Variants in MED23 observed in about 807,000 individuals in gnomAD.
MED23 encodes mediator of RNA polymerase II transcription subunit 23.
In MED23, 105 loss-of-function variants were observed where a neutral mutation model predicts 163.9. The ratio of observed to expected loss-of-function variants is 0.64; its 90% CI spans 0.55 to 0.75. The LOEUF (loss-of-function observed/expected upper bound fraction) is 0.75, where lower values mean the gene tolerates loss of function less well. Ranked by LOEUF, MED23 falls within the 30% of genes least tolerant of loss-of-function variation. The pLI is 0.00. For synonymous variants in MED23, 561 were observed against 565.6 expected (o/e 0.99, Z 0.12); for missense variants, 1,054 against 1,649.0 (o/e 0.64, Z 6.25).
At position 131,598,159 on chromosome 6, in the gene MED23, G is replaced by T. The variant is rs1303630563; in HGVS notation, c.2607+128C>A. On this transcript the variant is annotated intron_variant, in intron 20 of 28. Coordinates refer to ENST00000368068, the MANE Select transcript of MED23 (RefSeq NM_004830.4). The surrounding 1 kb of genome is among the most constrained non-coding windows in gnomAD (Gnocchi z 4.7). ...AAAATTTCCGGCTCTTTAGGGAAGTGACAGCAATGCTTGATATAGTATAAA... is the reference window on the plus strand; with the variant it reads ...AAAATTTCCGGCTCTTTAGGGAAGTTACAGCAATGCTTGATATAGTATAAA... The T allele has an allele frequency of 1.0e-6, 1 of 955,222 alleles. No individual in the cohort carries two copies. The highest frequency in any genetic ancestry group is 1.5e-5 in the South Asian group (1 of 64,774). 59.2% of individuals were successfully genotyped at this position (955,222 alleles called of 1,614,324 possible).
intron 22 of MED23, among the ~76,000 whole-genome samples, chr6:131,595,124 T>C (rs990663843): frequency 6.6e-6 from 1 of 152,208 alleles, no homozygotes; most frequent in African/African-American, 2.4e-5. Context: ...AACACTTTGT[T>C]CCCAGAGTGG....
At chr6:131,582,917 A>G (rs1172363906), downstream of MED23, 2 of 770,358 alleles carry the variant, frequency 2.6e-6, no homozygotes, top group Non-Finnish European at 4.3e-6. Context: ...TGTTAAAAAT[A>G]AATACAAATA....
chr6:131,614,370 C>T (rs1337279061), intron 10 of MED23, among the ~76,000 whole-genome samples: 1 of 152,188 alleles, frequency 6.6e-6, no homozygotes, highest in African/African-American at 2.4e-5. Flanking sequence ...CTGGCACAAC[C>T]TTCACTATAG....
At chr6:131,595,617 C>A (rs923669893) in intron 22 of MED23, among the ~76,000 whole-genome samples, 1 of 152,140 alleles carries the variant, frequency 6.6e-6, no homozygotes, top group African/African-American at 2.4e-5. Flanking sequence ...TGATTTCCCC[C>A]AAATGATCCC....
chr6:131,610,356 G>T, intron 10 of MED23, 110 bp from the exon 11 acceptor site: 1 of 1,054,796 alleles, frequency 9.5e-7, no homozygotes, highest in Non-Finnish European at 1.4e-6. Context: ...ACGGAATGAA[G>T]TTGAACTTAA....
rs759231398 is a variant in MED23 at position 131,587,702 on chromosome 6, C to T, written c.4084G>A (p.Val1362Met). Residue 1362 changes from valine (V) to methionine (M), a missense_variant, in exon 29 of 29, where the codon GTG becomes ATG. Physicochemically the swap from Val to Met is conservative, Grantham distance 21. Around this residue, in one of 11 missense-constraint regions of MED23, gnomAD observed 362 missense variants for 471.6 expected, o/e 0.77. Coordinates refer to ENST00000368068, the MANE Select transcript of MED23 (RefSeq NM_004830.4). ...CTTCACTGAGTTACTGGTAAAGACA[C>T]GGGCACCTGATTAGACTGAGGTGCT... is the stretch of plus-strand genomic sequence containing the variant. Reference protein sequence around the residue: ...SPAPQSNQVPVSLPVTQ With the variant: ...SPAPQSNQVPMSLPVTQ The T allele has an allele frequency of 2.5e-5, 40 of 1,614,000 alleles. No homozygotes were observed. In the Admixed American group the frequency reaches 2.7e-4, roughly 11 times the overall value.
At chr6:131,622,296 T>C (rs1435877238) in intron 5 of MED23, among the ~76,000 whole-genome samples, 1 of 152,224 alleles carries the variant, frequency 6.6e-6, no homozygotes, top group Non-Finnish European at 1.5e-5. Context: ...GACAGAAATA[T>C]ATTGTAACAA....
chr6:131,581,117 C>T, intron 30 of MED23: 2 of 1,157,768 alleles, frequency 1.7e-6, no homozygotes, highest in Admixed American at 1.8e-5. Context: ...ATATCAGACA[C>T]TGTGACTCAA....
chr6:131,594,145 A>G lies in MED23; in HGVS notation c.3186T>C (p.Val1062=), dbSNP rs1307101604. Residue 1062 remains valine, a synonymous_variant, in exon 23 of 29, where the codon GTT becomes GTC. Transcript: ENST00000368068. Reference sequence around the variant, plus strand: ...ATCTGCAATAGTAGGTGTCATCTGGAACCCAAGGATTTTCCTCTCGTGCAT... The same window carrying G: ...ATCTGCAATAGTAGGTGTCATCTGGGACCCAAGGATTTTCCTCTCGTGCAT... The part of the protein sequence containing the change: ...AMNAREENPW[V]PDDTYYCRLI... 6.2e-7 allele frequency: 1 copy of G among 1,614,178 alleles called. No homozygotes were observed. The highest frequency in any genetic ancestry group is 1.3e-5 in the African/African-American group (1 of 75,054).
chr6:131,624,543 T>C (rs142402333), intron 4 of MED23, among the ~76,000 whole-genome samples: 24 of 152,278 alleles, frequency 1.6e-4, no homozygotes, highest in African/African-American at 5.5e-4. Context: ...ACTAAAACCA[T>C]GAATAATTTT....
intron 7 of MED23, 74 bp from the exon 8 acceptor site, chr6:131,619,970 T>C: frequency 1.1e-6 from 1 of 885,368 alleles, no homozygotes; most frequent in South Asian, 1.3e-5. Context: ...CTGAAATATA[T>C]GAACATTTAT....
chr6:131,607,436 T>G (rs970088508), intron 12 of MED23, among the ~76,000 whole-genome samples: 1 of 151,966 alleles, frequency 6.6e-6, no homozygotes, highest in Non-Finnish European at 1.5e-5. Flanking sequence ...TCTCAGCTAC[T>G]CGGGAGGCTG....
chr6:131,609,545 C>T (rs1209057676), intron 11 of MED23, among the ~76,000 whole-genome samples: 9 of 132,262 alleles, frequency 6.8e-5, no homozygotes, highest in Non-Finnish European at 4.6e-5. Flanking sequence ...CAGAGTCTCG[C>T]TCTGTCGCCG....
chr6:131,622,087 A>G (rs1777152485), intron 5 of MED23, 108 bp from the exon 6 acceptor site: 3 of 722,756 alleles, frequency 4.2e-6, no homozygotes, highest in East Asian at 5.4e-5. Flanking sequence ...ACACCTTTAA[A>G]TTTTCTGAAT....
chr6:131,585,738 A>C (rs1048006827), downstream of MED23, among the ~76,000 whole-genome samples: 2 of 152,236 alleles, frequency 1.3e-5, no homozygotes, highest in African/African-American at 4.8e-5. Context: ...AGGATGTGAT[A>C]AACATAAAGG....
At position 131,620,632 on chromosome 6, in the gene MED23, T is replaced by C. The variant is rs759582160; in HGVS notation, c.593A>G (p.His198Arg). The C allele has an allele frequency of 6.2e-7, 1 of 1,604,358 alleles. No homozygotes were observed. The highest frequency in any genetic ancestry group is 1.1e-5 in the South Asian group (1 of 90,850). The change falls in exon 7 of 29, where the codon CAC becomes CGC. Residue 198 changes from histidine (H) to arginine (R), a missense_variant. His to Arg is a conservative substitution (Grantham distance 29, BLOSUM62 0). Around this residue, in one of 11 missense-constraint regions of MED23, gnomAD observed 227 missense variants for 235.5 expected, o/e 0.96. Coordinates refer to ENST00000368068, the MANE Select transcript of MED23 (RefSeq NM_004830.4). ...TTCAGGAAATATAAAATTTACCCAG[T>C]GTGGAAGTTTGCCTTCAGGATACAG... ...RKLYPEGKLP[H>R]WLLGNLVSDF... is the part of the protein sequence containing the mutation.
chr6:131,603,758 T>C (rs927891340), intron 15 of MED23, among the ~76,000 whole-genome samples: 1 of 148,126 alleles, frequency 6.8e-6, no homozygotes, highest in African/African-American at 2.4e-5. Flanking sequence ...ATATAATAAA[T>C]GAGACATTAT....
chr6:131,594,294 C>A lies in MED23; in HGVS notation c.3037G>T (p.Glu1013Ter). 6.2e-7 allele frequency: 1 copy of A among 1,614,112 alleles called. No individual in the cohort carries two copies. The highest frequency in any genetic ancestry group is 8.5e-7 in the Non-Finnish European group (1 of 1,179,984). Residue 1013 changes from glutamate to a stop codon, truncating the protein, a stop_gained, in exon 23 of 29, where the codon GAA becomes TAA. Transcript: ENST00000368068. LOFTEE classifies it high-confidence loss of function. ...AATGCGCGGTCTCTCAGGTGCATTT[C>A]ATAATAGTGCAGAGTGTTATACAGA... The part of the protein sequence containing the change: ...TYLYNTLHYY[E>*]MHLRDRAFLK...
In MED23 at chr6:131,604,173, C is replaced by A. The variant is rs1335262063; in HGVS notation, c.1756+5G>T. On this transcript the variant is annotated splice_donor_5th_base_variant and intron_variant, in intron 15 of 28. Coordinates refer to ENST00000368068, the MANE Select transcript of MED23 (RefSeq NM_004830.4). ...AGTTATAAACACCAGAAAGTCCTGT[C>A]TTACTGATAAATCCTTTGATGCCCA... The A allele has an allele frequency of 1.2e-6, 2 of 1,610,302 alleles. No individual in the cohort carries two copies. The highest frequency in any genetic ancestry group is 1.7e-6 in the Non-Finnish European group (2 of 1,177,408).
Sources: allele counts gnomAD v4.1 joint callset (sites outside exome capture counted in the v4.1 genomes callset), GRCh38; gene constraint gnomAD v4.1.1; regional missense constraint gnomAD v4.1.1; non-coding constraint Gnocchi (gnomAD v3.1); transcripts MANE v1.5; gene names NCBI Gene and HGNC (gene_info 2026-07-23, HGNC 2026-07-21).